Variants in HSD11B1 observed in about 807,000 individuals in gnomAD.
The protein encoded by HSD11B1 is hydroxysteroid 11-beta dehydrogenase 1.
In HSD11B1, 15 loss-of-function variants were observed where a neutral mutation model predicts 22.1. That is an observed-to-expected ratio of 0.68 (90% confidence interval 0.45 to 1.04). The LOEUF (loss-of-function observed/expected upper bound fraction) is 1.04. HSD11B1 is among the 50% of genes least tolerant of loss of function. HSD11B1 has a pLI of 0.00. For synonymous variants in HSD11B1, 122 were observed against 125.2 expected (o/e 0.97, Z 0.17); for missense variants, 281 against 357.6 (o/e 0.79, Z 1.73).
intron 4 of HSD11B1, among the ~76,000 whole-genome samples, chr1:209,717,827 G>C (rs984238851): frequency 1.1e-4 from 14 of 131,038 alleles, no homozygotes; most frequent in Admixed American, 2.7e-4. Flanking sequence ...AGCCAAGATA[G>C]CACCACTGCA....
intron 1 of HSD11B1, among the ~76,000 whole-genome samples, chr1:209,695,914 T>C (rs1038817976): frequency 5.3e-5 from 8 of 152,242 alleles, no homozygotes; most frequent in Admixed American, 1.3e-4. Flanking sequence ...AAAATTTTCA[T>C]ACCAATGTTC....
chr1:209,702,878 A>G (rs1310573412), upstream of HSD11B1, among the ~76,000 whole-genome samples: 1 of 152,242 alleles, frequency 6.6e-6, no homozygotes, highest in Non-Finnish European at 1.5e-5. Flanking sequence ...CATTTTATAT[A>G]GCAATTATTT....
chr1:209,688,667 T>C (rs2076741981), intron 1 of HSD11B1, among the ~76,000 whole-genome samples: 1 of 152,228 alleles, frequency 6.6e-6, no homozygotes, highest in Non-Finnish European at 1.5e-5. Context: ...ATATCACTAC[T>C]ATAAGCTTCC....
intron 4 of HSD11B1, among the ~76,000 whole-genome samples, chr1:209,717,153 T>C (rs532279091): frequency 2.0e-5 from 3 of 152,234 alleles, no homozygotes; most frequent in African/African-American, 7.2e-5. Context: ...AAAATATTCA[T>C]GCGACAAGGA....
In HSD11B1 at chr1:209,706,993, C is replaced by A. The variant is rs200360270; in HGVS notation, c.382C>A (p.Leu128Ile). Residue 128 changes from leucine (L) to isoleucine (I), a missense_variant, in exon 4 of 6, where the codon CTT becomes ATT. Leu to Ile is a conservative substitution (Grantham distance 5). Transcript: ENST00000367027. This position sits in a 1 kb window ranked among gnomAD's most constrained non-coding sequence, Gnocchi z 4.0. ...LNHITNTSLN[L>I]FHDDIHHVRK... ...CCACATCACCAACACTTCTTTGAAT[C>A]TTTTTCATGATGATATTCACCATGT... 1.2e-6 allele frequency: 2 copies of A among 1,614,100 alleles called. No individual in the cohort carries two copies. The highest frequency in any genetic ancestry group is 2.2e-5 in the East Asian group (1 of 44,882).
intron 1 of HSD11B1, among the ~76,000 whole-genome samples, chr1:209,693,913 G>A (rs984031521): frequency 6.6e-6 from 1 of 152,014 alleles, no homozygotes; most frequent in Non-Finnish European, 1.5e-5. Context: ...ATTCCTTTAT[G>A]CCAGACCCCC....
rs796545462 is a variant in HSD11B1, at chr1:209,692,607, C to CGGGGG, written c.-49+6329_-49+6333dup. On this transcript the variant is annotated intron_variant, in intron 1 of 6. Coordinates refer to the HSD11B1 transcript ENST00000261465. Reference sequence around the variant, plus strand: ...ATCAAGGAATCGGGTATTAAAATGGCGGGGGGGGGGGTGGGGGCTCGGTTC... The same window carrying CGGGGG: ...ATCAAGGAATCGGGTATTAAAATGGCGGGGGGGGGGGGGGGGTGGGGGCTCGGTTC... Among the ~76,000 whole-genome samples, 84 of 48,208 alleles carry CGGGGG rather than the reference C, an allele frequency of 1.7e-3. 1 individual carries two copies. The highest frequency in any genetic ancestry group is 5.2e-3 in the South Asian group (8 of 1,538). The allele number at this position is 48,208 out of a possible 152,430, so 31.6% of individuals were successfully genotyped here. A position where few individuals can be genotyped will look rare whatever the true frequency, so the allele number is the denominator to read the frequency against.
intron 5 of HSD11B1, 72 bp downstream of exon 5, chr1:209,732,651 A>G (rs1219880355): frequency 7.5e-7 from 1 of 1,335,622 alleles, no homozygotes; most frequent in East Asian, 2.3e-5. Flanking sequence ...CAGAACATGC[A>G]GGTTTGTTAC....
At chr1:209,701,981 T>A (rs1379135657), upstream of HSD11B1, among the ~76,000 whole-genome samples, 1 of 152,218 alleles carries the variant, frequency 6.6e-6, no homozygotes, top group African/African-American at 2.4e-5. Flanking sequence ...GCCCATTCTG[T>A]GCAGGTAGGC....
At chr1:209,691,255 C>T (rs539776032) in intron 1 of HSD11B1, among the ~76,000 whole-genome samples, 6 of 152,284 alleles carry the variant, frequency 3.9e-5, no homozygotes, top group Admixed American at 3.3e-4. Context: ...CAAGGACAAG[C>T]GGATGGGGCT....
chr1:209,700,530 G>A (rs1042503776), upstream of HSD11B1, among the ~76,000 whole-genome samples: 1 of 152,216 alleles, frequency 6.6e-6, no homozygotes, highest in Non-Finnish European at 1.5e-5. Context: ...CTCCAGGCCT[G>A]TGATGGGAGG....
In HSD11B1 at chr1:209,733,523, T is replaced by C. The variant is rs146039857; in HGVS notation, c.662-781T>C. On this transcript the variant is annotated intron_variant, in intron 5 of 5. Transcript: ENST00000367027. ...AAGGTCTGTAGTTTAGTTAATATAT[T>C]GTATCAATTCTATTATTATACCTGT... 8.4e-3 allele frequency among the ~76,000 whole-genome samples: 1,282 copies of C among 152,276 alleles called. 12 individuals carry two copies. The highest frequency in any genetic ancestry group is 0.028 in the African/African-American group (1,166 of 41,552).
chr1:209,715,498 A>G (rs1018088508), intron 4 of HSD11B1, among the ~76,000 whole-genome samples: 2 of 152,166 alleles, frequency 1.3e-5, no homozygotes, highest in Admixed American at 6.5e-5. Context: ...GTACAAGATA[A>G]GCCTGAAAAT....
chr1:209,700,168 T>C (rs909584703), upstream of HSD11B1, among the ~76,000 whole-genome samples: 1 of 152,226 alleles, frequency 6.6e-6, no homozygotes, highest in African/African-American at 2.4e-5. Flanking sequence ...GGACTCTGTG[T>C]TGGGTCTCCA....
intron 4 of HSD11B1, among the ~76,000 whole-genome samples, chr1:209,717,865 C>G (rs1254670001): frequency 7.6e-6 from 1 of 130,812 alleles, no homozygotes; most frequent in Non-Finnish European, 1.5e-5. Flanking sequence ...GGGTTAGACT[C>G]CATCTCAAAA....
intron 1 of HSD11B1, among the ~76,000 whole-genome samples, chr1:209,693,033 T>G (rs1045429166): frequency 3.3e-5 from 5 of 152,258 alleles, no homozygotes; most frequent in Non-Finnish European, 5.9e-5. Flanking sequence ...TCTGGACTGC[T>G]GACGGCATTG....
At chr1:209,731,095 C>T (rs1271111119) in intron 4 of HSD11B1, among the ~76,000 whole-genome samples, 2 of 152,194 alleles carry the variant, frequency 1.3e-5, no homozygotes, top group Non-Finnish European at 2.9e-5. Flanking sequence ...ACCGTAATAG[C>T]TGGAATGCAA....
chr1:209,700,947 A>G (rs2076822955), upstream of HSD11B1, among the ~76,000 whole-genome samples: 1 of 152,230 alleles, frequency 6.6e-6, no homozygotes, highest in African/African-American at 2.4e-5. Context: ...AGATTACCTC[A>G]GTCTGGACCT....
chr1:209,694,029 C>G (rs2076776341), intron 1 of HSD11B1, among the ~76,000 whole-genome samples: 1 of 152,074 alleles, frequency 6.6e-6, no homozygotes, highest in Non-Finnish European at 1.5e-5. Context: ...CACCGTTGTT[C>G]TCCTTTGCTG....
Sources: allele counts gnomAD v4.1 joint callset (sites outside exome capture counted in the v4.1 genomes callset), GRCh38; gene constraint gnomAD v4.1.1; non-coding constraint Gnocchi (gnomAD v3.1); transcripts MANE v1.5; gene names NCBI Gene and HGNC (gene_info 2026-07-23, HGNC 2026-07-21).